Variants in GFRA1 observed in about 807,000 individuals in gnomAD.
The protein encoded by GFRA1 is GDNF family receptor alpha-1.
A neutral mutation model predicts 51.6 loss-of-function variants in GFRA1; 16 were observed. The observed-to-expected ratio is 0.31, with a 90% CI of 0.21 to 0.47. The LOEUF (loss-of-function observed/expected upper bound fraction) is 0.47, where lower values mean the gene tolerates loss of function less well. Among genes scored for constraint, GFRA1 ranks in the 20% least tolerant of loss-of-function variants. The pLI is 1.00. For missense variants in GFRA1, 530 were observed against 594.3 expected, an observed-to-expected ratio of 0.89 and a Z score of 1.13; for synonymous variants, 270 against 241.3, an observed-to-expected ratio of 1.12 and a Z score of -1.10.
chr10:116,114,203 G>C (rs1234838606), intron 6 of GFRA1, among the ~76,000 whole-genome samples: 1 of 152,130 alleles, frequency 6.6e-6, no homozygotes, highest in Non-Finnish European at 1.5e-5. Context: ...GGTCACAGAA[G>C]AAGCACGTGG....
intron 4 of GFRA1, among the ~76,000 whole-genome samples, chr10:116,222,616 C>T (rs1351555971): frequency 6.6e-6 from 1 of 152,130 alleles, no homozygotes; most frequent in Non-Finnish European, 1.5e-5. Flanking sequence ...GTGAAGATTA[C>T]AGGAAATCAA....
chr10:116,144,233 G>C (rs1958696754), intron 5 of GFRA1, among the ~76,000 whole-genome samples: 4 of 152,056 alleles, frequency 2.6e-5, no homozygotes. Flanking sequence ...GTATATAAAA[G>C]CACAGGATAA....
chr10:116,074,307 A>G (rs1955526757), intron 9 of GFRA1, among the ~76,000 whole-genome samples: 1 of 152,146 alleles, frequency 6.6e-6, no homozygotes, highest in Non-Finnish European at 1.5e-5. Context: ...GCTGTCCATT[A>G]TCTCCTATAT....
chr10:116,152,285 C>T (rs1362335633), intron 5 of GFRA1, among the ~76,000 whole-genome samples: 3 of 152,198 alleles, frequency 2.0e-5, no homozygotes, highest in Non-Finnish European at 4.4e-5. Context: ...TAAGCCAGTA[C>T]CCCACGCTGT....
intron 5 of GFRA1, among the ~76,000 whole-genome samples, chr10:116,183,310 G>T (rs887938689): frequency 4.6e-5 from 7 of 152,160 alleles, no homozygotes. Flanking sequence ...GGAGCTTACC[G>T]CAATGGGTCC....
intron 4 of GFRA1, among the ~76,000 whole-genome samples, chr10:116,223,276 A>G (rs1966053131): frequency 1.3e-5 from 2 of 152,242 alleles, no homozygotes; most frequent in Non-Finnish European, 2.9e-5. Flanking sequence ...TTTCTCTGGA[A>G]GCAGGATCAA....
chr10:116,232,323 C>A (rs2098435010), intron 4 of GFRA1, among the ~76,000 whole-genome samples: 1 of 152,140 alleles, frequency 6.6e-6, no homozygotes, highest in South Asian at 2.1e-4. Context: ...TCAGAAATAG[C>A]AGTTGGGTGA....
At chr10:116,145,148 CAAAAAA>C (rs58509181) in intron 5 of GFRA1, among the ~76,000 whole-genome samples, 8 of 28,738 alleles carry the variant, frequency 2.8e-4, no homozygotes, top group South Asian at 3.2e-3. Context: ...GACTCTGTCT[CAAAAAA>C]AAAAAAAAAA....
chr10:116,145,707 A>G (rs1185892093), intron 5 of GFRA1, among the ~76,000 whole-genome samples: 1 of 152,216 alleles, frequency 6.6e-6, no homozygotes, highest in Non-Finnish European at 1.5e-5. Context: ...GAATTTAAAG[A>G]CAACAGCTAT....
upstream of GFRA1, among the ~76,000 whole-genome samples, chr10:116,273,834 T>G (rs1202241828): frequency 1.3e-5 from 2 of 152,072 alleles, no homozygotes; most frequent in Admixed American, 6.5e-5. Context: ...ACTTGGTGCT[T>G]TCAAGACACA....
upstream of GFRA1, among the ~76,000 whole-genome samples, chr10:116,273,693 CTCACACACACACACAG>C (rs1697462650): frequency 6.6e-6 from 1 of 151,490 alleles, no homozygotes; most frequent in Non-Finnish European, 1.5e-5. Context: ...CTCTCTCTCT[CTCACACACACACACAG>C]ACACACACAC....
At chr10:116,085,063 G>GTTA (rs1381358248) in intron 9 of GFRA1, among the ~76,000 whole-genome samples, 1 of 152,148 alleles carries the variant, frequency 6.6e-6, no homozygotes, top group Non-Finnish European at 1.5e-5. Context: ...ACCTCAGGGG[G>GTTA]TTAGCACTTG....
At chr10:116,178,374 G>A (rs115331357) in intron 5 of GFRA1, among the ~76,000 whole-genome samples, 4,470 of 151,994 alleles carry the variant, frequency 0.029, 105 homozygotes, top group African/African-American at 0.067. Context: ...CATTAACTAC[G>A]TCTTGAGTTT....
intron 6 of GFRA1, among the ~76,000 whole-genome samples, chr10:116,119,968 G>A (rs1490923362): frequency 6.6e-6 from 1 of 152,240 alleles, no homozygotes; most frequent in Non-Finnish European, 1.5e-5. Flanking sequence ...AATTGCATGT[G>A]CTGTTCTCCT....
At chr10:116,211,918 A>G (rs190772695) in intron 4 of GFRA1, among the ~76,000 whole-genome samples, 20 of 152,322 alleles carry the variant, frequency 1.3e-4, no homozygotes, top group African/African-American at 4.8e-4. Flanking sequence ...GAAAAATTAA[A>G]CAAATGATGT....
intron 9 of GFRA1, among the ~76,000 whole-genome samples, chr10:116,083,905 C>T (rs1190441015): frequency 1.3e-5 from 2 of 152,190 alleles, no homozygotes; most frequent in Admixed American, 1.3e-4. Context: ...ATCCCTCCTG[C>T]CACTCTGCAA....
chr10:116,088,781 C>T (rs993117882), intron 9 of GFRA1, among the ~76,000 whole-genome samples: 2 of 151,776 alleles, frequency 1.3e-5, no homozygotes, highest in East Asian at 1.9e-4. Context: ...ATTAGCCAGG[C>T]GTGGTGGTGG....
intron 5 of GFRA1, among the ~76,000 whole-genome samples, chr10:116,146,237 G>C (rs777875598): frequency 1.4e-4 from 21 of 152,150 alleles, no homozygotes; most frequent in Admixed American, 6.5e-5. Context: ...GGGGATAGAA[G>C]CATTTACAAT....
intron 5 of GFRA1, among the ~76,000 whole-genome samples, chr10:116,193,751 A>G (rs1963472417): frequency 6.6e-6 from 1 of 152,134 alleles, no homozygotes; most frequent in Non-Finnish European, 1.5e-5. Context: ...AGGAGAGTTA[A>G]CCTTCTATAA....
Sources: gnomAD v4.1 joint callset for allele counts (sites outside exome capture counted in the v4.1 genomes callset) on GRCh38, gnomAD v4.1.1 for gene constraint, MANE v1.5 for transcripts, NCBI Gene and HGNC (gene_info 2026-07-23, HGNC 2026-07-21) for gene names.